HIVEP3: variants seen among roughly 807,000 people sequenced by gnomAD.
The protein encoded by HIVEP3 is transcription factor HIVEP3.
In HIVEP3, 49 loss-of-function variants were observed where a neutral mutation model predicts 152.8. The observed-to-expected ratio is 0.32, with a 90% CI of 0.26 to 0.41. The LOEUF (loss-of-function observed/expected upper bound fraction) is 0.41, where lower values mean the gene tolerates loss of function less well. Among genes scored for constraint, HIVEP3 ranks in the 10% least tolerant of loss-of-function variants. The pLI is 1.00. For synonymous variants in HIVEP3, 1,269 were observed against 1,289.0 expected (o/e 0.98, Z 0.33); for missense variants, 2,790 against 3,103.3 (o/e 0.90, Z 2.40).
chr1:41,527,433 ACACCC>A (rs1643021882), intron 5 of HIVEP3, among the ~76,000 whole-genome samples: 1 of 81,178 alleles, frequency 1.2e-5, no homozygotes, highest in Admixed American at 1.2e-4. Context: ...CTCACACTCC[ACACCC>A]CACCCTCACC....
At chr1:41,956,772 T>C (rs889904384) in intron 1 of HIVEP3, among the ~76,000 whole-genome samples, 9 of 152,288 alleles carry the variant, frequency 5.9e-5, no homozygotes, top group African/African-American at 1.2e-4. Flanking sequence ...GCTTATATGG[T>C]TTTTGAACAG....
intron 1 of HIVEP3, among the ~76,000 whole-genome samples, chr1:41,732,973 G>A (rs1469693657): frequency 3.9e-5 from 6 of 152,116 alleles, no homozygotes; most frequent in Non-Finnish European, 1.5e-5. Flanking sequence ...CCTGGGCCTG[G>A]TACACAGCAG....
In HIVEP3 at chr1:41,544,612, C is replaced by T. The variant is rs569624956; in HGVS notation, c.5208-19702G>A. 2.9e-3 allele frequency among the ~76,000 whole-genome samples: 428 copies of T among 150,060 alleles called. 4 individuals carry two copies. Among genetic ancestry groups the T allele is most frequent in the Non-Finnish European group, 4.1e-3 (280 of 67,584 alleles). On this transcript the variant is annotated intron_variant, in intron 5 of 8. Coordinates refer to ENST00000372583, the MANE Select transcript of HIVEP3 (RefSeq NM_024503.5). ...ATCACTACCATCACCACCACCATCA[C>T]CGCCACCACTATCATCGCTACTACC...
chr1:41,950,463 A>T (rs1645100364), intron 1 of HIVEP3, among the ~76,000 whole-genome samples: 1 of 152,204 alleles, frequency 6.6e-6, no homozygotes, highest in Non-Finnish European at 1.5e-5. Context: ...TTGGTGATTA[A>T]CTTAAGAGGT....
chr1:41,860,951 A>C (rs548858074), intron 1 of HIVEP3, among the ~76,000 whole-genome samples: 7 of 152,350 alleles, frequency 4.6e-5, no homozygotes, highest in African/African-American at 1.7e-4. Flanking sequence ...AGGGAGGTGG[A>C]ATCAGATTGA....
intron 1 of HIVEP3, among the ~76,000 whole-genome samples, chr1:41,772,105 G>C (rs1424241137): frequency 6.6e-6 from 1 of 152,072 alleles, no homozygotes; most frequent in African/African-American, 2.4e-5. Flanking sequence ...TTGACCTCCT[G>C]GTTCTAGTGG....
chr1:42,026,867 A>G (rs1645585654), intron 1 of HIVEP3, among the ~76,000 whole-genome samples: 1 of 152,178 alleles, frequency 6.6e-6, no homozygotes, highest in Admixed American at 6.5e-5. Context: ...GTCAGGGTGG[A>G]CTTTTCATCT....
intron 2 of HIVEP3, among the ~76,000 whole-genome samples, chr1:41,642,589 T>G (rs1374930261): frequency 6.6e-6 from 1 of 152,218 alleles, no homozygotes. Flanking sequence ...ATATAATACA[T>G]ACAAATGTGT....
At chr1:41,597,552 A>G (rs985768364) in intron 3 of HIVEP3, among the ~76,000 whole-genome samples, 1 of 152,130 alleles carries the variant, frequency 6.6e-6, no homozygotes, top group African/African-American at 2.4e-5. Flanking sequence ...CCCATTTTAC[A>G]GGTGAGGAAA....
At chr1:41,699,805 CT>C (rs1558190488) in intron 2 of HIVEP3, among the ~76,000 whole-genome samples, 2 of 152,198 alleles carry the variant, frequency 1.3e-5, no homozygotes, top group South Asian at 4.1e-4. Context: ...CACCACTTTC[CT>C]CCCCACCCTC....
intron 2 of HIVEP3, among the ~76,000 whole-genome samples, chr1:41,634,779 C>T (rs1645245010): frequency 6.6e-6 from 1 of 152,142 alleles, no homozygotes; most frequent in African/African-American, 2.4e-5. Flanking sequence ...GAGTCTATTT[C>T]TCCAAGGAGA....
intron 1 of HIVEP3, among the ~76,000 whole-genome samples, chr1:41,933,733 T>C (rs1242772188): frequency 3.3e-5 from 5 of 151,824 alleles, no homozygotes; most frequent in Admixed American, 6.6e-5. Context: ...TGTTTTTTTC[T>C]TCTTTTCTTT....
chr1:41,771,295 C>CA (rs1558255196), intron 1 of HIVEP3, among the ~76,000 whole-genome samples: 1 of 152,196 alleles, frequency 6.6e-6, no homozygotes, highest in South Asian at 2.1e-4. Flanking sequence ...CCCCCACCCC[C>CA]AAAAAATTAA....
chr1:41,662,606 G>T lies in HIVEP3; in HGVS notation c.-720-33659C>A, dbSNP rs913237259. On this transcript the variant is annotated intron_variant, in intron 2 of 8. Coordinates refer to ENST00000372583, the MANE Select transcript of HIVEP3 (RefSeq NM_024503.5). This position sits in a 1 kb window ranked among gnomAD's most constrained non-coding sequence, Gnocchi z 7.2. ...CGCGGCTGGCGGCTGCCAGGGGAGG[G>T]TCTCCTCGCCCGGGGAATCCCTGGC... Among the ~76,000 whole-genome samples, 2 of 151,044 alleles carry T rather than the reference G, an allele frequency of 1.3e-5. No homozygotes were observed. Among genetic ancestry groups the T allele is most frequent in the Non-Finnish European group, 3.0e-5 (2 of 67,574 alleles).
At chr1:41,701,112 G>A in intron 1 of HIVEP3, 117 bp from the exon 2 acceptor site, 1 of 222,586 alleles carries the variant, frequency 4.5e-6, no homozygotes, top group Non-Finnish European at 7.6e-6. Context: ...CAAAGCCCCG[G>A]CCACTACCCC....
intron 5 of HIVEP3, among the ~76,000 whole-genome samples, chr1:41,571,555 T>C (rs1270649359): frequency 6.6e-6 from 1 of 152,198 alleles, no homozygotes; most frequent in Non-Finnish European, 1.5e-5. Flanking sequence ...ATGCATTGTG[T>C]GTGCAAAGCA....
In HIVEP3 at chr1:41,581,418, G is replaced by T. The variant is rs987715623; in HGVS notation, c.3380C>A (p.Pro1127His). 6.3e-7 allele frequency: 1 copy of T among 1,599,278 alleles called. No individual in the cohort carries two copies. The highest frequency in any genetic ancestry group is 8.5e-7 in the Non-Finnish European group (1 of 1,173,146). Reference sequence around the variant, plus strand: ...CTCATGCAGGGGTGTCTGGGCAACGGGGTGGTGGAACACTTGCAGTGCTTC... The same window carrying T: ...CTCATGCAGGGGTGTCTGGGCAACGTGGTGGTGGAACACTTGCAGTGCTTC... ...YTEALQVFHH[P>H]VAQTPLHEKP... Residue 1127 changes from proline (P) to histidine (H), a missense_variant, in exon 4 of 9, where the codon CCC (proline) becomes CAC (histidine). This residue lies in a region of HIVEP3 where 1,078 missense variants were observed against 1,165.3 expected (regional missense o/e 0.93). Coordinates refer to ENST00000372583, the MANE Select transcript of HIVEP3 (RefSeq NM_024503.5). The surrounding 1 kb of genome is among the most constrained non-coding windows in gnomAD (Gnocchi z 4.5).
At chr1:41,729,587 C>T (rs751156290) in intron 1 of HIVEP3, among the ~76,000 whole-genome samples, 8 of 152,208 alleles carry the variant, frequency 5.3e-5, no homozygotes, top group Non-Finnish European at 1.0e-4. Context: ...GAATTCTAAA[C>T]TCCTCCTTTC....
chr1:41,914,029 A>C (rs1644835474), intron 1 of HIVEP3, among the ~76,000 whole-genome samples: 1 of 151,960 alleles, frequency 6.6e-6, no homozygotes, highest in Non-Finnish European at 1.5e-5. Flanking sequence ...GATCACCCCT[A>C]CTTCATATTT....
Sources: gnomAD v4.1 joint callset for allele counts (sites outside exome capture counted in the v4.1 genomes callset) on GRCh38, gnomAD v4.1.1 for gene constraint, gnomAD v4.1.1 regional missense constraint, Gnocchi (gnomAD v3.1) non-coding constraint, MANE v1.5 for transcripts, NCBI Gene and HGNC (gene_info 2026-07-23, HGNC 2026-07-21) for gene names.